The following GYS1 variants were observed in gnomAD, a reference collection of about 807,000 sequenced individuals.
GYS1 encodes the protein glycogen [starch] synthase, muscle.
Under a neutral mutation model 89.1 loss-of-function variants are expected in GYS1, and 60 were observed. The observed-to-expected ratio is 0.67, with a 90% CI of 0.55 to 0.84. GYS1 has a LOEUF of 0.84. Among genes scored for constraint, GYS1 ranks in the 40% least tolerant of loss-of-function variants. The pLI, the probability that GYS1 is intolerant of heterozygous loss-of-function variation, is 0.00. For synonymous variants in GYS1, 366 were observed against 401.7 expected, an observed-to-expected ratio of 0.91 and a Z score of 1.06; for missense variants, 888 against 1,003.1, an observed-to-expected ratio of 0.89 and a Z score of 1.55.
chr19:48,987,167 G>A (rs1157312451), intron 3 of GYS1, 27 bp downstream of exon 3: 1 of 1,524,710 alleles, frequency 6.6e-7, no homozygotes, highest in Non-Finnish European at 9.1e-7. Context: ...TTTCAGGTAT[G>A]GGTGGAATGT....
intron 4 of GYS1, 106 bp from the exon 5 acceptor site, chr19:48,985,711 G>C (rs2038832235): frequency 6.6e-7 from 1 of 1,510,518 alleles, no homozygotes; most frequent in Non-Finnish European, 9.2e-7. Context: ...CTGGATTCCT[G>C]GGTCTGAGGT....
chr19:48,981,057 G>A (rs1390918594), intron 8 of GYS1, among the ~76,000 whole-genome samples: 2 of 150,846 alleles, frequency 1.3e-5, no homozygotes, highest in Non-Finnish European at 2.9e-5. Context: ...AGGTTGCAGT[G>A]AGCCGAGATC....
At chr19:48,978,902 A>G (rs1600139866) in intron 8 of GYS1, among the ~76,000 whole-genome samples, 1 of 152,168 alleles carries the variant, frequency 6.6e-6, no homozygotes, top group Non-Finnish European at 1.5e-5. Context: ...TGGGGCCTCC[A>G]GGCTGGAGGA....
chr19:48,984,016 G>A (rs1462307949), intron 5 of GYS1, among the ~76,000 whole-genome samples: 3 of 152,038 alleles, frequency 2.0e-5, no homozygotes, highest in Non-Finnish European at 2.9e-5. Flanking sequence ...TTTTCTTTTC[G>A]AGACAGAGTT....
chr19:48,974,096 T>C (rs1032819968), intron 12 of GYS1, 117 bp downstream of exon 12: 10 of 1,066,602 alleles, frequency 9.4e-6, no homozygotes, highest in Non-Finnish European at 1.3e-5. Context: ...GTGATTACCA[T>C]TGTTCCTGTT....
At chr19:48,970,436 A>G (rs751255988) in intron 14 of GYS1, 110 bp downstream of exon 14, 21 of 934,726 alleles carry the variant, frequency 2.2e-5, no homozygotes, top group South Asian at 1.6e-4. Flanking sequence ...TTCATTGCTT[A>G]AAGGGACAGC....
At chr19:48,981,878 ATTTTT>A (rs2038769176) in intron 7 of GYS1, among the ~76,000 whole-genome samples, 1 of 150,186 alleles carries the variant, frequency 6.7e-6, no homozygotes. Flanking sequence ...CTGTTCTGTA[ATTTTT>A]TGTTTTGTTT....
intron 8 of GYS1, among the ~76,000 whole-genome samples, chr19:48,980,904 C>G (rs1043333107): frequency 6.7e-6 from 1 of 149,450 alleles, no homozygotes; most frequent in Non-Finnish European, 1.5e-5. Flanking sequence ...CACCTGAGGT[C>G]AGGAGTTCAA....
rs1248117683 is a variant in GYS1 at position 48,969,278 on chromosome 19, T to C, written c.*10A>G. 2 of 1,531,712 alleles carry C rather than the reference T, an allele frequency of 1.3e-6. No homozygotes were observed. Among genetic ancestry groups the C allele is most frequent in the Admixed American group, 1.9e-5 (1 of 51,396 alleles). The allele number at this position is 1,531,712 out of a possible 1,614,324, so 94.9% of individuals were successfully genotyped here. A position where few individuals can be genotyped will look rare whatever the true frequency, so the allele number is the denominator to read the frequency against. On this transcript the variant is annotated 3_prime_UTR_variant, in exon 16 of 16. Transcript: ENST00000323798. ...GAGGCAGGACAGGCGGGGAGTGTGG[T>C]GGGGCGGACTTAGTTACGCTCCTCG...
At chr19:48,982,011 C>T (rs1309936325) in intron 7 of GYS1, among the ~76,000 whole-genome samples, 1 of 152,086 alleles carries the variant, frequency 6.6e-6, no homozygotes, top group Non-Finnish European at 1.5e-5. Context: ...TCCCCGTTCA[C>T]CCTCCCGAGT....
At chr19:48,974,462 A>G in intron 11 of GYS1, 123 bp from the exon 12 acceptor site, 1 of 1,225,012 alleles carries the variant, frequency 8.2e-7, no homozygotes, top group Non-Finnish European at 1.2e-6. Flanking sequence ...TGGCAGGACC[A>G]ATGTTCAAAC....
intron 9 of GYS1, 41 bp downstream of exon 9, chr19:48,978,057 C>G (rs1461529090): frequency 1.2e-6 from 2 of 1,609,628 alleles, no homozygotes; most frequent in Admixed American, 3.3e-5. Flanking sequence ...AGGGGTTAGT[C>G]AGGGCCTAGG....
intron 10 of GYS1, among the ~76,000 whole-genome samples, chr19:48,976,478 T>C (rs1488501602): frequency 6.6e-6 from 1 of 152,066 alleles, no homozygotes; most frequent in African/African-American, 2.4e-5. Flanking sequence ...GCCAATTCTC[T>C]CTGAAGTTAG....
At chr19:48,978,048 G>A (rs1469510216) in intron 9 of GYS1, 46 bp from the exon 10 acceptor site, 2 of 1,608,334 alleles carry the variant, frequency 1.2e-6, no homozygotes, top group Admixed American at 3.3e-5. Context: ...AGTAATGAGA[G>A]GGGTTAGTCA....
chr19:48,973,055 G>T (rs944569575), intron 12 of GYS1, among the ~76,000 whole-genome samples: 1 of 152,110 alleles, frequency 6.6e-6, no homozygotes, highest in Admixed American at 6.6e-5. Context: ...ATCTCAAAAT[G>T]TAGTCCCCAC....
At chr19:48,987,485 A>G (rs2038860535) in intron 2 of GYS1, 100 bp from the exon 3 acceptor site, 1 of 873,656 alleles carries the variant, frequency 1.1e-6, no homozygotes, top group African/African-American at 1.7e-5. Context: ...ATGTCTATAG[A>G]CTTAAGCCTC....
In GYS1 at chr19:48,969,534, C is replaced by G; in HGVS notation, c.1968G>C (p.Gln656His). Residue 656 changes from glutamine (Q) to histidine (H), a missense_variant, in exon 16 of 16, where the codon CAG becomes CAC. Coordinates refer to ENST00000323798, the MANE Select transcript of GYS1 (RefSeq NM_002103.5). Reference protein sequence around the residue: ...PSLSRHSSPHQSEDEEDPRNG... With the variant: ...PSLSRHSSPHHSEDEEDPRNG... ...TCCGGGGATCCTCCTCGTCCTCACT[C>G]TGGTGCGGGCTGGAGTGTCGTGACA... is the stretch of plus-strand genomic sequence containing the variant. The G allele has an allele frequency of 6.5e-7, 1 of 1,541,870 alleles. No homozygotes were observed. Among genetic ancestry groups the G allele is most frequent in the Admixed American group, 2.0e-5 (1 of 51,008 alleles).
In GYS1 at chr19:48,987,232, C is replaced by A. The variant is rs1442581247; in HGVS notation, c.454G>T (p.Val152Phe). 2 of 1,613,596 alleles carry A rather than the reference C, an allele frequency of 1.2e-6. No homozygotes were observed. The highest frequency in any genetic ancestry group is 1.7e-6 in the Non-Finnish European group (2 of 1,179,700). Residue 152 changes from valine (V) to phenylalanine (F), a missense_variant, in exon 3 of 16, where the codon GTC becomes TTC. Physicochemically the swap from Val to Phe is conservative, Grantham distance 50. Coordinates refer to ENST00000323798, the MANE Select transcript of GYS1 (RefSeq NM_002103.5). ...PWYDREANDAVLFGFLTTWFL... is the reference protein window; with the variant it reads ...PWYDREANDAFLFGFLTTWFL... ...CAGGTGGTCAGAAAGCCAAAGAGGA[C>A]AGCGTCGTTGGCCTCGCGGTCGTAC...
At chr19:48,992,019 A>G (rs913641573) in intron 1 of GYS1, among the ~76,000 whole-genome samples, 1 of 151,574 alleles carries the variant, frequency 6.6e-6, no homozygotes, top group African/African-American at 2.4e-5. Context: ...CTGCCTCCCA[A>G]TTTCCTCTCC....
Sources: allele counts gnomAD v4.1 joint callset (sites outside exome capture counted in the v4.1 genomes callset), GRCh38; gene constraint gnomAD v4.1.1; transcripts MANE v1.5; gene names NCBI Gene and HGNC (gene_info 2026-07-23, HGNC 2026-07-21).